The following HERC6 variants were observed in gnomAD, a reference collection of about 807,000 sequenced individuals.
The protein encoded by HERC6 is HECT and RLD domain containing E3 ubiquitin protein ligase family member 6, also known as probable E3 ubiquitin-protein ligase HERC6.
Under a neutral mutation model 114.5 loss-of-function variants are expected in HERC6, and 101 were observed. The observed-to-expected ratio is 0.88, with a 90% confidence interval of 0.75 to 1.04. HERC6 has a LOEUF of 1.04. Among genes scored for constraint, HERC6 ranks in the 50% least tolerant of loss-of-function variants. The probability of loss-of-function intolerance (pLI) is 0.00; values close to 1 mark genes in which losing one functional copy is unlikely to be tolerated. For synonymous variants in HERC6, 408 were observed against 436.2 expected (o/e 0.94, Z 0.81); for missense variants, 1,133 against 1,230.9 (o/e 0.92, Z 1.19).
rs545122353 is a variant in HERC6 at position 88,422,841 on chromosome 4, C to A, written c.1714-1019C>A. On this transcript the variant is annotated intron_variant, in intron 13 of 22. Coordinates refer to ENST00000264346, the MANE Select transcript of HERC6 (RefSeq NM_017912.4). ...TGATAGGTAGAACTAATCTATAAACCTTTTGGGTCTGGAAATTTCTTTGTC... is the reference window on the plus strand; with the variant it reads ...TGATAGGTAGAACTAATCTATAAACATTTTGGGTCTGGAAATTTCTTTGTC... Among the ~76,000 whole-genome samples the A allele has an allele frequency of 7.2e-5, 11 of 152,086 alleles. No homozygotes were observed. The South Asian group carries it at 1.9e-3, about 26-fold the overall frequency.
rs183145752 is a variant in HERC6 at position 88,406,582 on chromosome 4, G to A, written c.1274+969G>A. On this transcript the variant is annotated intron_variant, in intron 10 of 22. Coordinates refer to ENST00000264346, the MANE Select transcript of HERC6 (RefSeq NM_017912.4). The stretch of plus-strand genomic sequence containing the variant: ...CTTCCTAATGTGAAAAAGTATCCAT[G>A]CTCACTTCCCAGGAGTGAGGAACTC... Among the ~76,000 whole-genome samples the A allele has an allele frequency of 1.4e-4, 21 of 152,262 alleles. No individual in the cohort carries two copies. In the East Asian group the frequency reaches 3.3e-3, roughly 24 times the overall value.
intron 10 of HERC6, 138 bp downstream of exon 10, chr4:88,405,751 A>G (rs1735786427): frequency 2.4e-6 from 1 of 424,498 alleles, no homozygotes. Context: ...AGGTTGTTAT[A>G]GAATTCTTTC....
intron 5 of HERC6, 31 bp from the exon 6 acceptor site, chr4:88,395,984 A>G (rs748727852): frequency 3.7e-5 from 57 of 1,552,932 alleles, no homozygotes; most frequent in Admixed American, 1.2e-4. Flanking sequence ...GTTAAACCTG[A>G]AATTAATTTG....
intron 5 of HERC6, among the ~76,000 whole-genome samples, 157 bp downstream of exon 5, chr4:88,393,739 T>C (rs1231496111): frequency 2.0e-5 from 3 of 152,220 alleles, no homozygotes; most frequent in Non-Finnish European, 4.4e-5. Context: ...AGAGATCTAT[T>C]TCCCATAGTT....
intron 12 of HERC6, among the ~76,000 whole-genome samples, chr4:88,414,730 C>T (rs566013133): frequency 1.1e-4 from 17 of 152,242 alleles, no homozygotes; most frequent in South Asian, 1.0e-3. Flanking sequence ...GCAGTGAGGA[C>T]GACCAGAGGT....
chr4:88,434,671 T>C (rs1292157760), intron 17 of HERC6, among the ~76,000 whole-genome samples: 1 of 150,852 alleles, frequency 6.6e-6, no homozygotes, highest in Non-Finnish European at 1.5e-5. Flanking sequence ...AGAAAACTAG[T>C]AAGTGATCAA....
At chr4:88,395,373 A>G (rs1296995591) in intron 5 of HERC6, among the ~76,000 whole-genome samples, 1 of 152,160 alleles carries the variant, frequency 6.6e-6, no homozygotes, top group Non-Finnish European at 1.5e-5. Flanking sequence ...TAATTTATCT[A>G]TTCATTCAAT....
chr4:88,440,406 C>T, intron 22 of HERC6, 156 bp downstream of exon 22: 1 of 601,100 alleles, frequency 1.7e-6, no homozygotes, highest in South Asian at 2.1e-5. Context: ...TGGACACACA[C>T]AAAGGGTGAG....
chr4:88,417,943 T>A (rs1477715717), intron 13 of HERC6, among the ~76,000 whole-genome samples: 3 of 122,106 alleles, frequency 2.5e-5, no homozygotes, highest in Non-Finnish European at 4.7e-5. Flanking sequence ...AAAACCACAT[T>A]TCTTAAAAAA....
intron 17 of HERC6, among the ~76,000 whole-genome samples, chr4:88,435,131 A>T (rs1319007767): frequency 6.6e-6 from 1 of 152,136 alleles, no homozygotes; most frequent in Non-Finnish European, 1.5e-5. Context: ...AGATGGAGCC[A>T]GTGTTTTCTC....
intron 16 of HERC6, among the ~76,000 whole-genome samples, chr4:88,430,490 A>G (rs1259222082): frequency 6.6e-6 from 1 of 151,932 alleles, no homozygotes; most frequent in African/African-American, 2.4e-5. Flanking sequence ...GAATGGCTTG[A>G]ACCCAGGAGG....
Position 88,435,735 on chromosome 4 carries a change from A to G in HERC6, c.2261A>G (p.Glu754Gly). The change falls in exon 18 of 23, where the codon GAG becomes GGG. Residue 754 changes from glutamate to glycine, a missense_variant. Physicochemically the swap from Glu to Gly is moderately conservative, Grantham distance 98. This residue lies in a region of HERC6 where 388 missense variants were observed against 445.9 expected (regional missense o/e 0.87). Coordinates refer to ENST00000264346, the MANE Select transcript of HERC6 (RefSeq NM_017912.4). The part of the protein sequence containing the change: ...CMWFPAKPKP[E>G]KKRYFLFGML... The stretch of plus-strand genomic sequence containing the variant: ...TTTCTTCTTTTCTAGCCTAAACCTG[A>G]GAAGAAAAGATATTTCCTCTTTGGA... 1.3e-6 allele frequency: 2 copies of G among 1,545,848 alleles called. No individual in the cohort carries two copies. Among genetic ancestry groups the G allele is most frequent in the Non-Finnish European group, 1.7e-6 (2 of 1,145,508 alleles).
rs1006157199 is a variant in HERC6, at chr4:88,424,838, T to C, written c.1935+136T>C. The C allele has an allele frequency of 6.5e-6, 4 of 615,576 alleles. No individual in the cohort carries two copies. In the African/African-American group the frequency reaches 7.6e-5, roughly 12 times the overall value. The allele number at this position is 615,576 out of a possible 1,614,324, so 38.1% of individuals were successfully genotyped here. ...ACTTTTATCTATCACTTTTTTTCTT[T>C]GTTGTTGTTACTGTTTTTGCTGAAG... On this transcript the variant is annotated intron_variant, in intron 15 of 22. Transcript: ENST00000264346.
In HERC6 at chr4:88,390,670, G is replaced by A; in HGVS notation, c.455G>A (p.Trp152Ter). 1 of 1,603,038 alleles carries A rather than the reference G, an allele frequency of 6.2e-7. No homozygotes were observed. The highest frequency in any genetic ancestry group is 8.5e-7 in the Non-Finnish European group (1 of 1,171,384). The part of the protein sequence containing the change: ...ALSKDSQVFS[W>*]GKNSHGQLGL... ...GTTGTAGATAGCCAAGTGTTTTCGT[G>A]GGGAAAGAACAGCCATGGGCAGCTG... Residue 152 changes from tryptophan (W) to a stop codon, truncating the protein, a stop_gained, in exon 4 of 23, where the codon TGG (tryptophan) becomes TAG (stop). Coordinates refer to ENST00000264346, the MANE Select transcript of HERC6 (RefSeq NM_017912.4). LOFTEE classifies it high-confidence loss of function.
Position 88,439,982 on chromosome 4 carries a change from T to C in HERC6, c.2664T>C (p.Leu888=), listed in dbSNP as rs771572108. 6.8e-6 allele frequency: 11 copies of C among 1,612,588 alleles called. No homozygotes were observed. The highest frequency in any genetic ancestry group is 9.3e-6 in the Non-Finnish European group (11 of 1,179,508). ...ATAGAGTCTGTGAGAAGGAGATACT[T>C]AGACATTTCTACCCTGAAGAACTAA... ...GFYRVCEKEI[L]RHFYPEELMT... Residue 888 remains leucine, a synonymous_variant, in exon 21 of 23, where the codon CTT becomes CTC. Coordinates refer to ENST00000264346, the MANE Select transcript of HERC6 (RefSeq NM_017912.4).
At chr4:88,431,539 A>G (rs1276724333) in intron 17 of HERC6, among the ~76,000 whole-genome samples, 2 of 152,188 alleles carry the variant, frequency 1.3e-5, no homozygotes, top group South Asian at 4.1e-4. Context: ...CATGTATTTT[A>G]TAAGATCCTT....
rs762754121 is a variant in HERC6 at position 88,435,847 on chromosome 4, G to C, written c.2373G>C (p.Lys791Asn). The C allele has an allele frequency of 1.9e-6, 3 of 1,609,962 alleles. No homozygotes were observed. The change falls in exon 18 of 23, where the codon AAG becomes AAC. Residue 791 changes from lysine to asparagine, a missense_variant. By Grantham distance (94) the Lys-to-Asn change is moderately conservative (BLOSUM62 0). This residue lies in a region of HERC6 where 388 missense variants were observed against 445.9 expected (regional missense o/e 0.87). Transcript: ENST00000264346. ...LALYKKLLDQKPSLEDLKELS... is the reference protein window; with the variant it reads ...LALYKKLLDQNPSLEDLKELS... ...TGTATAAAAAACTTCTGGACCAAAA[G>C]CCATCATTGGAAGATTTAAAAGAAC... is the stretch of plus-strand genomic sequence containing the variant.
chr4:88,392,466 A>G (rs28548153), intron 4 of HERC6, among the ~76,000 whole-genome samples: 7,145 of 152,166 alleles, frequency 0.047, 546 homozygotes, highest in African/African-American at 0.16. Context: ...CTGGGATTAC[A>G]GGTGTGAGAC....
At chr4:88,423,123 C>A (rs1206002826) in intron 13 of HERC6, among the ~76,000 whole-genome samples, 1 of 150,236 alleles carries the variant, frequency 6.7e-6, no homozygotes, top group Non-Finnish European at 1.5e-5. Flanking sequence ...AAGACGCAGT[C>A]TTTTCATTTG....
Sources: gnomAD v4.1 joint callset for allele counts (sites outside exome capture counted in the v4.1 genomes callset) on GRCh38, gnomAD v4.1.1 for gene constraint, gnomAD v4.1.1 regional missense constraint, MANE v1.5 for transcripts, NCBI Gene and HGNC (gene_info 2026-07-23, HGNC 2026-07-21) for gene names.